Variants in PLSCR2 observed in about 807,000 individuals in gnomAD.
PLSCR2 encodes the protein phospholipid scramblase 2, also known as PL scramblase 2.
A neutral mutation model predicts 25.3 loss-of-function variants in PLSCR2; 18 were observed. That is an observed-to-expected ratio of 0.71 (90% confidence interval 0.49 to 1.06). The LOEUF (loss-of-function observed/expected upper bound fraction) is 1.06, where lower values mean the gene tolerates loss of function less well. PLSCR2 is among the 50% of genes least tolerant of loss of function. PLSCR2 has a pLI of 0.00. For missense variants in PLSCR2, 243 were observed against 269.5 expected (o/e 0.90, Z 0.69); for synonymous variants, 88 against 87.3 (o/e 1.01, Z -0.04).
At chr3:146,478,869 A>T (rs2043027585) in intron 1 of PLSCR2, among the ~76,000 whole-genome samples, 1 of 152,234 alleles carries the variant, frequency 6.6e-6, no homozygotes, top group Non-Finnish European at 1.5e-5. Flanking sequence ...CCACAAAGGG[A>T]AGCCCATCAG....
At chr3:146,408,511 G>C (rs2108027884) in intron 2 of PLSCR2, among the ~76,000 whole-genome samples, 1 of 151,864 alleles carries the variant, frequency 6.6e-6, no homozygotes. Context: ...TGTGTTGCTT[G>C]TTTCTGTTTT....
intron 2 of PLSCR2, among the ~76,000 whole-genome samples, chr3:146,420,980 G>T (rs1392447409): frequency 6.6e-6 from 1 of 151,868 alleles, no homozygotes; most frequent in Admixed American, 6.6e-5. Context: ...GATGTTGTGT[G>T]GTCACTTAGA....
chr3:146,429,633 AT>A (rs56760386), downstream of PLSCR2, among the ~76,000 whole-genome samples: 72 of 149,516 alleles, frequency 4.8e-4, no homozygotes, highest in African/African-American at 1.3e-3. Context: ...TTATTTATTT[AT>A]TTTTTTTTTG....
exon 1 of PLSCR2, chr3:146,460,297 T>C (rs1221283556): frequency 2.6e-5 from 29 of 1,109,800 alleles, no homozygotes; most frequent in East Asian, 3.2e-5. Context: ...GTGAATAGAG[T>C]CGGCCTAGAG....
upstream of PLSCR2, among the ~76,000 whole-genome samples, chr3:146,461,287 G>A (rs1182708455): frequency 6.6e-6 from 1 of 152,092 alleles, no homozygotes; most frequent in Non-Finnish European, 1.5e-5. Context: ...CTGGTGACAG[G>A]CTCATATACT....
chr3:146,400,905 A>G (rs1004550063), intron 2 of PLSCR2, among the ~76,000 whole-genome samples: 4 of 151,976 alleles, frequency 2.6e-5, no homozygotes, highest in Non-Finnish European at 5.9e-5. Flanking sequence ...TCAATCCAGT[A>G]GAAAAAGAAT....
At chr3:146,411,074 C>T (rs974243426) in intron 2 of PLSCR2, among the ~76,000 whole-genome samples, 13 of 152,002 alleles carry the variant, frequency 8.6e-5, no homozygotes, top group African/African-American at 3.1e-4. Flanking sequence ...GAATTTATAA[C>T]AGTTTTTTTT....
At chr3:146,460,013 G>C in exon 2 of PLSCR2, 1 of 1,608,158 alleles carries the variant, frequency 6.2e-7, no homozygotes, top group South Asian at 1.1e-5. Flanking sequence ...AGGCCTGGGA[G>C]CCCAGGTGGT....
In PLSCR2 at chr3:146,401,794, C is replaced by T. The variant is rs572932586; in HGVS notation, c.101-5873G>A. Among the ~76,000 whole-genome samples the T allele has an allele frequency of 4.6e-5, 7 of 151,822 alleles. No individual in the cohort carries two copies. In the South Asian group the frequency reaches 1.5e-3, roughly 32 times the overall value. On this transcript the variant is annotated intron_variant and NMD_transcript_variant, in intron 2 of 3. Transcript: ENST00000463633. ...ATTCTATGCATAACTTTTTGGTATC[C>T]TTTTTGAATTTCAAAGAAGTTGACC...
chr3:146,423,983 T>TTTCTCACAGA (rs1318180082), intron 2 of PLSCR2, among the ~76,000 whole-genome samples: 1 of 152,038 alleles, frequency 6.6e-6, no homozygotes, highest in Non-Finnish European at 1.5e-5. Flanking sequence ...AGAAATTTAT[T>TTTCTCACAGA]TTCTCACAGA....
chr3:146,406,372 C>G (rs73867602), intron 2 of PLSCR2, among the ~76,000 whole-genome samples: 119 of 152,024 alleles, frequency 7.8e-4, no homozygotes, highest in Non-Finnish European at 1.6e-3. Context: ...GCTGCAAGGT[C>G]GATACTTCCT....
intron 2 of PLSCR2, among the ~76,000 whole-genome samples, chr3:146,399,552 G>A (rs1488896414): frequency 6.6e-6 from 1 of 151,692 alleles, no homozygotes; most frequent in African/African-American, 2.4e-5. Flanking sequence ...TGTAATAGTA[G>A]TTGTATCTAA....
chr3:146,427,149 ACACATCAATT>A (rs2039385432), intron 2 of PLSCR2, among the ~76,000 whole-genome samples: 1 of 152,246 alleles, frequency 6.6e-6, no homozygotes, highest in South Asian at 2.1e-4. Flanking sequence ...GATTTACAAT[ACACATCAATT>A]CACCCTGTAA....
intron 2 of PLSCR2, among the ~76,000 whole-genome samples, chr3:146,402,829 A>C (rs1413692053): frequency 2.6e-5 from 4 of 152,164 alleles, no homozygotes; most frequent in African/African-American, 9.7e-5. Context: ...CTTCATTTTT[A>C]ATGATTCTGC....
chr3:146,404,305 G>T (rs2038576963), intron 2 of PLSCR2, among the ~76,000 whole-genome samples: 3 of 152,144 alleles, frequency 2.0e-5, no homozygotes, highest in Non-Finnish European at 4.4e-5. Context: ...ATAATATGAT[G>T]GAAGGCATCA....
At chr3:146,423,811 A>G (rs116555599) in intron 2 of PLSCR2, among the ~76,000 whole-genome samples, 6,224 of 152,154 alleles carry the variant, frequency 0.041, 173 homozygotes, top group Admixed American at 0.088. Context: ...CCACAAGTCA[A>G]GAAACAGAGG....
At chr3:146,413,238 C>T (rs2038911832) in intron 2 of PLSCR2, among the ~76,000 whole-genome samples, 1 of 152,120 alleles carries the variant, frequency 6.6e-6, no homozygotes, top group African/African-American at 2.4e-5. Context: ...CAAGGCCATT[C>T]TCCCATTGTC....
At chr3:146,410,009 C>T (rs2038793842) in intron 2 of PLSCR2, among the ~76,000 whole-genome samples, 1 of 152,092 alleles carries the variant, frequency 6.6e-6, no homozygotes, top group African/African-American at 2.4e-5. Context: ...AGGCGTTTTC[C>T]CTTCTCATTT....
intron 5 of PLSCR2, among the ~76,000 whole-genome samples, chr3:146,452,452 T>C (rs1164227302): frequency 1.3e-5 from 2 of 152,100 alleles, no homozygotes; most frequent in Non-Finnish European, 2.9e-5. Context: ...CAAAAGAATA[T>C]ATTAAAATAA....
Sources: allele counts gnomAD v4.1 joint callset (sites outside exome capture counted in the v4.1 genomes callset), GRCh38; gene constraint gnomAD v4.1.1; transcripts MANE v1.5; gene names NCBI Gene and HGNC (gene_info 2026-07-23, HGNC 2026-07-21).